The following CNTNAP5 variants were observed in gnomAD, a reference collection of about 807,000 sequenced individuals.
The protein encoded by CNTNAP5 is contactin-associated protein-like 5.
A neutral mutation model predicts 150.2 loss-of-function variants in CNTNAP5; 72 were observed. The observed-to-expected ratio is 0.48, with a 90% confidence interval of 0.40 to 0.58. The LOEUF is 0.58. Ranked by LOEUF, CNTNAP5 falls within the 20% of genes least tolerant of loss-of-function variation. The probability of loss-of-function intolerance (pLI) is 0.00; values close to 1 mark genes in which losing one functional copy is unlikely to be tolerated. For missense variants in CNTNAP5, 1,636 were observed against 1,626.2 expected (o/e 1.01, Z -0.10); for synonymous variants, 672 against 619.8 (o/e 1.08, Z -1.25).
At chr2:124,739,852 A>G in intron 13 of CNTNAP5, among the ~76,000 whole-genome samples, 1 of 151,746 alleles carries the variant, frequency 6.6e-6, no homozygotes, top group Admixed American at 6.6e-5. Context: ...GCTTTTCTAG[A>G]ATTTTATTAA....
intron 1 of CNTNAP5, among the ~76,000 whole-genome samples, chr2:124,131,020 A>G (rs536872658): frequency 1.3e-5 from 2 of 152,286 alleles, no homozygotes; most frequent in South Asian, 4.2e-4. Context: ...AGTAATAGCC[A>G]TTTGTGGAGT....
intron 7 of CNTNAP5, among the ~76,000 whole-genome samples, chr2:124,478,697 A>G (rs558285232): frequency 2.1e-4 from 32 of 152,292 alleles, no homozygotes; most frequent in Non-Finnish European, 3.7e-4. Context: ...GCTTTGCTCC[A>G]TCACTAAGTC....
At chr2:124,711,008 C>T (rs1455792145) in intron 13 of CNTNAP5, among the ~76,000 whole-genome samples, 2 of 152,166 alleles carry the variant, frequency 1.3e-5, no homozygotes, top group Non-Finnish European at 2.9e-5. Flanking sequence ...CACGGTGGCT[C>T]ACGCCTGTAA....
intron 7 of CNTNAP5, among the ~76,000 whole-genome samples, chr2:124,480,022 G>A (rs533999656): frequency 1.3e-5 from 2 of 152,302 alleles, no homozygotes; most frequent in East Asian, 1.9e-4. Context: ...TTCAACTGAA[G>A]TTGACATATA....
chr2:124,396,179 A>G (rs1468853272), intron 3 of CNTNAP5, among the ~76,000 whole-genome samples: 1 of 152,224 alleles, frequency 6.6e-6, no homozygotes, highest in Non-Finnish European at 1.5e-5. Flanking sequence ...GGCTTGATTC[A>G]AACATTGTCA....
intron 18 of CNTNAP5, among the ~76,000 whole-genome samples, chr2:124,791,945 G>T (rs78270589): frequency 6.6e-6 from 1 of 151,880 alleles, no homozygotes; most frequent in East Asian, 1.9e-4. Flanking sequence ...TTTAGTCCTC[G>T]CAATGTAAGT....
intron 1 of CNTNAP5, among the ~76,000 whole-genome samples, chr2:124,104,776 C>T (rs1040787423): frequency 6.6e-6 from 1 of 152,186 alleles, no homozygotes; most frequent in Non-Finnish European, 1.5e-5. Context: ...TGGCCCAGCA[C>T]TAGTTCCACT....
At chr2:124,279,912 A>C (rs1174036631) in intron 3 of CNTNAP5, among the ~76,000 whole-genome samples, 3 of 151,914 alleles carry the variant, frequency 2.0e-5, no homozygotes, top group Admixed American at 2.0e-4. Flanking sequence ...TTGTCACCTA[A>C]AAAAAATAAA....
At chr2:124,786,380 A>AAAG (rs1681577289) in intron 17 of CNTNAP5, among the ~76,000 whole-genome samples, 2 of 87,776 alleles carry the variant, frequency 2.3e-5, no homozygotes, top group South Asian at 9.1e-4. Context: ...AGAAAGAAAG[A>AAAG]AAGAAAGAAA....
intron 3 of CNTNAP5, among the ~76,000 whole-genome samples, chr2:124,345,565 ATGT>A (rs1291975220): frequency 6.6e-6 from 1 of 152,302 alleles, no homozygotes; most frequent in East Asian, 1.9e-4. Flanking sequence ...AAATAAAATA[ATGT>A]TGTGGGTGGG....
At chr2:124,597,281 C>T (rs1357847058) in intron 11 of CNTNAP5, among the ~76,000 whole-genome samples, 12 of 150,180 alleles carry the variant, frequency 8.0e-5, no homozygotes, top group East Asian at 2.0e-4. Context: ...CGGCTGGTAC[C>T]GGTTGTTCCT....
intron 19 of CNTNAP5, among the ~76,000 whole-genome samples, chr2:124,855,419 C>A (rs1440175571): frequency 6.6e-6 from 1 of 152,040 alleles, no homozygotes; most frequent in East Asian, 1.9e-4. Context: ...GTGATCCGCC[C>A]ACCTCAGCCT....
chr2:124,320,070 G>A (rs1298879895), intron 3 of CNTNAP5, among the ~76,000 whole-genome samples: 1 of 152,076 alleles, frequency 6.6e-6, no homozygotes, highest in Non-Finnish European at 1.5e-5. Flanking sequence ...TTTAGCCAAC[G>A]CTCCCTGTGT....
chr2:124,445,869 C>T (rs1046440679), intron 5 of CNTNAP5, among the ~76,000 whole-genome samples: 8 of 152,248 alleles, frequency 5.3e-5, no homozygotes, highest in Middle Eastern at 3.4e-3. Context: ...CTAAGGTTGA[C>T]GCAAGTTCCT....
chr2:124,510,342 T>C (rs2104870625), intron 8 of CNTNAP5, among the ~76,000 whole-genome samples: 1 of 79,698 alleles, frequency 1.3e-5, no homozygotes, highest in Admixed American at 1.6e-4. Context: ...TATATCTCCA[T>C]ATGTCAACAC....
intron 1 of CNTNAP5, among the ~76,000 whole-genome samples, chr2:124,129,054 G>A (rs1683784620): frequency 6.7e-6 from 1 of 149,906 alleles, no homozygotes; most frequent in Non-Finnish European, 1.5e-5. Context: ...AGAACTTAAA[G>A]TATAATAAAA....
At chr2:124,364,768 C>T (rs1015848849) in intron 3 of CNTNAP5, among the ~76,000 whole-genome samples, 3 of 151,974 alleles carry the variant, frequency 2.0e-5, no homozygotes, top group Admixed American at 1.3e-4. Context: ...AGTATAATAC[C>T]AGAAAGAAAA....
At chr2:124,354,108 T>A (rs535639575) in intron 3 of CNTNAP5, among the ~76,000 whole-genome samples, 7 of 152,258 alleles carry the variant, frequency 4.6e-5, no homozygotes, top group Middle Eastern at 6.8e-3. Flanking sequence ...GACGCTATGT[T>A]GTTGAGAATT....
intron 8 of CNTNAP5, among the ~76,000 whole-genome samples, chr2:124,506,515 G>A (rs1479803421): frequency 2.6e-5 from 4 of 152,086 alleles, no homozygotes; most frequent in Non-Finnish European, 5.9e-5. Context: ...ATGTCAGACC[G>A]TGGGAGACAT....
Sources: allele counts gnomAD v4.1 joint callset (sites outside exome capture counted in the v4.1 genomes callset), GRCh38; gene constraint gnomAD v4.1.1; transcripts MANE v1.5; gene names NCBI Gene and HGNC (gene_info 2026-07-23, HGNC 2026-07-21).